The following RPTOR variants were observed in gnomAD, a reference collection of about 807,000 sequenced individuals.
RPTOR encodes the protein regulatory associated protein of MTOR complex 1.
In RPTOR, 21 loss-of-function variants were observed where a neutral mutation model predicts 169.9. The observed-to-expected ratio is 0.12, with a 90% CI of 0.09 to 0.18. The LOEUF is 0.18. Ranked by LOEUF, RPTOR falls within the 10% of genes least tolerant of loss-of-function variation. The pLI is 1.00. For missense variants in RPTOR, 1,133 were observed against 1,855.9 expected (o/e 0.61, Z 7.16); for synonymous variants, 732 against 753.2 (o/e 0.97, Z 0.46).
chr17:80,676,923 G>A (rs573620675), intron 3 of RPTOR, among the ~76,000 whole-genome samples: 7 of 152,164 alleles, frequency 4.6e-5, no homozygotes, highest in Non-Finnish European at 1.0e-4. Context: ...AAAGTCACCC[G>A]TGTGGGGGAG....
In RPTOR at chr17:80,695,702, A is replaced by T. The variant is rs1284867579; in HGVS notation, c.349-12139A>T. ...GCCAGTGGAGTGGTGTGACTTTTGT[A>T]TTTATAGACTTCTTCCAAAGGTCAC... On this transcript the variant is annotated intron_variant, in intron 3 of 33. Coordinates refer to ENST00000306801, the MANE Select transcript of RPTOR (RefSeq NM_020761.3). The surrounding 1 kb of genome is among the most constrained non-coding windows in gnomAD (Gnocchi z 4.9). Among the ~76,000 whole-genome samples, 1 of 152,184 alleles carries T rather than the reference A, an allele frequency of 6.6e-6. No individual in the cohort carries two copies. The highest frequency in any genetic ancestry group is 1.5e-5 in the Non-Finnish European group (1 of 68,024).
At chr17:80,798,607 C>T (rs2067124281) in intron 7 of RPTOR, among the ~76,000 whole-genome samples, 1 of 151,996 alleles carries the variant, frequency 6.6e-6, no homozygotes, top group Non-Finnish European at 1.5e-5. Context: ...CTCCTCCCAT[C>T]GCATGTGGGA....
At chr17:80,570,926 G>A (rs1026521948) in intron 1 of RPTOR, among the ~76,000 whole-genome samples, 3 of 152,206 alleles carry the variant, frequency 2.0e-5, no homozygotes, top group African/African-American at 7.2e-5. Flanking sequence ...TTAAAGTTTG[G>A]AAGAGTTCAG....
At chr17:80,853,273 A>C (rs576938931) in intron 11 of RPTOR, among the ~76,000 whole-genome samples, 169 of 152,136 alleles carry the variant, frequency 1.1e-3, no homozygotes, top group Middle Eastern at 6.8e-3. Context: ...GTGCATCCTC[A>C]GACACCCGGG....
Position 80,605,806 on chromosome 17 carries a change from C to T in RPTOR, c.163-19885C>T, listed in dbSNP as rs116255476. 9.3e-3 allele frequency among the ~76,000 whole-genome samples: 1,414 copies of T among 152,300 alleles called. 32 individuals carry two copies. Among genetic ancestry groups the T allele is most frequent in the African/African-American group, 0.032 (1,341 of 41,554 alleles). ...ACGAATGCCCGTTATGTCTCAGGCA[C>T]GGACTAGCTGTGCAGTAAGAGGGAG... On this transcript the variant is annotated intron_variant, in intron 1 of 33. Transcript: ENST00000306801.
At chr17:80,594,391 C>T (rs1419279870) in intron 1 of RPTOR, among the ~76,000 whole-genome samples, 3 of 152,322 alleles carry the variant, frequency 2.0e-5, no homozygotes, top group South Asian at 4.1e-4. Context: ...CACGCCCGGC[C>T]GTGCAGTTCT....
At chr17:80,715,543 A>G (rs2066232192) in intron 4 of RPTOR, among the ~76,000 whole-genome samples, 1 of 151,580 alleles carries the variant, frequency 6.6e-6, no homozygotes, top group Admixed American at 6.6e-5. Context: ...GGTAATTGTC[A>G]ACCACATGGG....
rs1378851827 is a variant in RPTOR at position 80,893,346 on chromosome 17, AG to A, written c.2243-358del. ...TGCGCGCGCCAGGTGTGTGTGCGCCAGGGTGTGTGTGTGCTGGGTGTGTGTG... is the reference window on the plus strand; with the variant it reads ...TGCGCGCGCCAGGTGTGTGTGCGCCAGGTGTGTGTGTGCTGGGTGTGTGTG... On this transcript the variant is annotated intron_variant, in intron 19 of 33. Coordinates refer to ENST00000306801, the MANE Select transcript of RPTOR (RefSeq NM_020761.3). Among the ~76,000 whole-genome samples, 3 of 129,188 alleles carry A rather than the reference AG, an allele frequency of 2.3e-5. No homozygotes were observed. In the East Asian group the frequency reaches 6.9e-4, roughly 30 times the overall value. The allele number at this position is 129,188 out of a possible 152,430, so 84.8% of individuals were successfully genotyped here.
At chr17:80,775,091 G>A (rs1008566189) in intron 6 of RPTOR, among the ~76,000 whole-genome samples, 13 of 152,144 alleles carry the variant, frequency 8.5e-5, no homozygotes, top group African/African-American at 2.9e-4. Flanking sequence ...AGCCTGGCCC[G>A]GGGCCAGGCT....
chr17:80,865,268 A>C (rs909475956), intron 13 of RPTOR, among the ~76,000 whole-genome samples: 5 of 152,246 alleles, frequency 3.3e-5, no homozygotes, highest in African/African-American at 1.2e-4. Flanking sequence ...TAGATGTAAC[A>C]AATAGAAAAA....
intron 24 of RPTOR, among the ~76,000 whole-genome samples, chr17:80,931,399 G>GT (rs1299223345): frequency 6.6e-6 from 1 of 152,180 alleles, no homozygotes; most frequent in Admixed American, 6.5e-5. Context: ...ATTGGCAGTG[G>GT]TTTGCGCAAG....
intron 6 of RPTOR, among the ~76,000 whole-genome samples, chr17:80,782,381 T>A (rs1337506620): frequency 6.6e-6 from 1 of 152,160 alleles, no homozygotes; most frequent in African/African-American, 2.4e-5. Context: ...ATCACTTTAT[T>A]TATTTATTTT....
Position 80,846,461 on chromosome 17 carries a change from C to T in RPTOR, c.1213-12C>T, listed in dbSNP as rs773227568. 1.2e-6 allele frequency: 2 copies of T among 1,613,008 alleles called. No individual in the cohort carries two copies. Among genetic ancestry groups the T allele is most frequent in the South Asian group, 2.2e-5 (2 of 91,052 alleles). ...ATGGCCCTAACAAGCACCTGTTCTG[C>T]TTGCCCCGCAGCACAGCCCGTTCTT... is the stretch of plus-strand genomic sequence containing the variant. On this transcript the variant is annotated splice_polypyrimidine_tract_variant and intron_variant, in intron 10 of 33. Transcript: ENST00000306801.
At chr17:80,548,245 G>A (rs2084301759) in intron 1 of RPTOR, among the ~76,000 whole-genome samples, 1 of 151,620 alleles carries the variant, frequency 6.6e-6, no homozygotes, top group South Asian at 2.1e-4. Flanking sequence ...CAGTGTGTCT[G>A]GGGTTGGGGA....
intron 1 of RPTOR, among the ~76,000 whole-genome samples, chr17:80,553,744 T>A: frequency 1.1e-5 from 1 of 89,556 alleles, no homozygotes; most frequent in Non-Finnish European, 3.0e-5. Context: ...ATAGGTGTTT[T>A]TTTTTCTTTT....
chr17:80,554,784 C>CAACA (rs1555713040), intron 1 of RPTOR, among the ~76,000 whole-genome samples: 1 of 147,928 alleles, frequency 6.8e-6, no homozygotes, highest in Non-Finnish European at 1.5e-5. Context: ...ACAACAACAA[C>CAACA]AAAAAAAATG....
At chr17:80,919,713 A>G (rs4969305) in intron 21 of RPTOR, among the ~76,000 whole-genome samples, 134,505 of 152,216 alleles carry the variant, frequency 0.88, 59,562 homozygotes, top group African/African-American at 0.93. Flanking sequence ...GCACTGGCCC[A>G]AGAGAGTGTC....
At chr17:80,736,953 A>AT (rs1490759227) in intron 5 of RPTOR, among the ~76,000 whole-genome samples, 5 of 152,208 alleles carry the variant, frequency 3.3e-5, no homozygotes, top group African/African-American at 1.2e-4. Flanking sequence ...AATGATTTTC[A>AT]TAAGTGCTTT....
chr17:80,764,175 A>ATT (rs1476705928), intron 6 of RPTOR, among the ~76,000 whole-genome samples: 1 of 128,242 alleles, frequency 7.8e-6, no homozygotes, highest in African/African-American at 3.2e-5. Context: ...ATTTTATTTT[A>ATT]TTATTATACT....
Sources: allele counts gnomAD v4.1 joint callset (sites outside exome capture counted in the v4.1 genomes callset), GRCh38; gene constraint gnomAD v4.1.1; non-coding constraint Gnocchi (gnomAD v3.1); transcripts MANE v1.5; gene names NCBI Gene and HGNC (gene_info 2026-07-23, HGNC 2026-07-21).